The following AQP9 variants were observed in gnomAD, a reference collection of about 807,000 sequenced individuals.
The protein encoded by AQP9 is aquaporin-9.
A neutral mutation model predicts 23.8 loss-of-function variants in AQP9; 19 were observed. That is an observed-to-expected ratio of 0.80 (90% CI 0.56 to 1.17). The LOEUF (loss-of-function observed/expected upper bound fraction) is 1.17, where lower values mean the gene tolerates loss of function less well. Ranked by LOEUF, AQP9 falls within the 50% of genes most tolerant of loss-of-function variation. The pLI, the probability that AQP9 is intolerant of heterozygous loss-of-function variation, is 0.00. For missense variants in AQP9, 413 were observed against 362.0 expected (o/e 1.14, Z -1.14); for synonymous variants, 153 against 131.5 (o/e 1.16, Z -1.12).
At chr15:58,170,053 A>G (rs1349952951) in intron 2 of AQP9, among the ~76,000 whole-genome samples, 1 of 152,102 alleles carries the variant, frequency 6.6e-6, no homozygotes, top group Non-Finnish European at 1.5e-5. Flanking sequence ...TATGTGAATA[A>G]TCTGATTGTC....
At chr15:58,169,670 A>G (rs1448447300) in intron 2 of AQP9, among the ~76,000 whole-genome samples, 3 of 152,274 alleles carry the variant, frequency 2.0e-5, no homozygotes, top group Non-Finnish European at 2.9e-5. Context: ...GTCAGCAGAT[A>G]TTTGTCTTTT....
chr15:58,180,944 A>G (rs763683746), intron 5 of AQP9, among the ~76,000 whole-genome samples: 14 of 152,236 alleles, frequency 9.2e-5, no homozygotes, highest in Admixed American at 8.5e-4. Context: ...CATCAAAAAC[A>G]TATGTCCTAA....
chr15:58,149,628 TG>T (rs1898111910), intron 1 of AQP9, among the ~76,000 whole-genome samples: 1 of 152,206 alleles, frequency 6.6e-6, no homozygotes, highest in Non-Finnish European at 1.5e-5. Flanking sequence ...TATCTTCATA[TG>T]TTCAAAAGGC....
chr15:58,182,849 G>A (rs1189705974), intron 5 of AQP9, among the ~76,000 whole-genome samples: 2 of 152,170 alleles, frequency 1.3e-5, no homozygotes, highest in African/African-American at 4.8e-5. Context: ...GCAGATGAAG[G>A]AAATGGAGCT....
intron 1 of AQP9, among the ~76,000 whole-genome samples, chr15:58,142,383 A>G (rs1897966527): frequency 6.6e-6 from 1 of 152,202 alleles, no homozygotes; most frequent in Non-Finnish European, 1.5e-5. Context: ...CTTTCATGTG[A>G]AAGCCCAAGC....
intron 1 of AQP9, among the ~76,000 whole-genome samples, chr15:58,157,645 C>T (rs1422146182): frequency 6.6e-6 from 1 of 152,046 alleles, no homozygotes; most frequent in Non-Finnish European, 1.5e-5. Flanking sequence ...CATTGATAAC[C>T]ACAAAATTGG....
At chr15:58,140,215 G>A (rs1040892298) in intron 1 of AQP9, among the ~76,000 whole-genome samples, 1 of 94,112 alleles carries the variant, frequency 1.1e-5, no homozygotes, top group Admixed American at 1.1e-4. Flanking sequence ...TTTTTTTTTT[G>A]CAACCAAAAA....
At chr15:58,177,100 G>T (rs1283195939) in intron 4 of AQP9, among the ~76,000 whole-genome samples, 1 of 152,122 alleles carries the variant, frequency 6.6e-6, no homozygotes, top group African/African-American at 2.4e-5. Flanking sequence ...TCCAAAAATT[G>T]CCAATTATCA....
chr15:58,173,936 C>A (rs539387216), intron 3 of AQP9, among the ~76,000 whole-genome samples: 1 of 152,134 alleles, frequency 6.6e-6, no homozygotes, highest in South Asian at 2.1e-4. Flanking sequence ...TTATGACTTA[C>A]CCAAACTGAA....
chr15:58,147,258 G>C (rs1354901322), intron 1 of AQP9, among the ~76,000 whole-genome samples: 1 of 151,728 alleles, frequency 6.6e-6, no homozygotes, highest in East Asian at 1.9e-4. Flanking sequence ...TTTCTTTAGT[G>C]ACGAATCCCA....
chr15:58,159,369 G>A (rs1332167112), intron 1 of AQP9, among the ~76,000 whole-genome samples: 5 of 151,858 alleles, frequency 3.3e-5, no homozygotes, highest in Non-Finnish European at 5.9e-5. Flanking sequence ...TGCTTCCTGC[G>A]CTTCTTTTTT....
intron 1 of AQP9, among the ~76,000 whole-genome samples, chr15:58,165,416 A>T (rs935203): frequency 0.45 from 68,824 of 152,088 alleles, 17,370 homozygotes; most frequent in Admixed American, 0.61. Flanking sequence ...GAGGATATAC[A>T]ATGAAAAGTT....
intron 1 of AQP9, among the ~76,000 whole-genome samples, chr15:58,145,172 C>A (rs774736884): frequency 6.6e-6 from 1 of 151,954 alleles, no homozygotes; most frequent in Non-Finnish European, 1.5e-5. Context: ...TTTCTTTATT[C>A]TTGCCTTTTC....
intron 5 of AQP9, 129 bp from the exon 6 acceptor site, chr15:58,183,832 A>G (rs1898946863): frequency 9.7e-7 from 1 of 1,029,836 alleles, no homozygotes; most frequent in Non-Finnish European, 1.5e-6. Flanking sequence ...AGCCCCCCTT[A>G]TACTTAGCTC....
At chr15:58,160,583 T>C (rs1898356153) in intron 1 of AQP9, among the ~76,000 whole-genome samples, 1 of 152,008 alleles carries the variant, frequency 6.6e-6, no homozygotes, top group Non-Finnish European at 1.5e-5. Context: ...ACTCTGTGGT[T>C]CTCCCCATGT....
intron 2 of AQP9, among the ~76,000 whole-genome samples, chr15:58,171,338 C>T (rs760098897): frequency 6.6e-6 from 1 of 152,074 alleles, no homozygotes; most frequent in Admixed American, 6.5e-5. Flanking sequence ...CCACCCAACT[C>T]AGCCTCCCAA....
intron 1 of AQP9, among the ~76,000 whole-genome samples, chr15:58,159,351 G>A (rs1239068858): frequency 6.6e-6 from 1 of 151,974 alleles, no homozygotes; most frequent in Non-Finnish European, 1.5e-5. Context: ...GATTATTCAG[G>A]GTAGTTTTGC....
At chr15:58,158,196 T>TGC (rs1566984405) in intron 1 of AQP9, among the ~76,000 whole-genome samples, 2 of 152,150 alleles carry the variant, frequency 1.3e-5, no homozygotes, top group African/African-American at 4.8e-5. Context: ...GAAAAACCGA[T>TGC]GCCCCTATTC....
chr15:58,145,929 G>T (rs967344326), intron 1 of AQP9, among the ~76,000 whole-genome samples: 2 of 152,072 alleles, frequency 1.3e-5, no homozygotes, highest in Non-Finnish European at 2.9e-5. Flanking sequence ...ATTTTTGCTT[G>T]GCATTTTTCA....
Sources: allele counts gnomAD v4.1 joint callset (sites outside exome capture counted in the v4.1 genomes callset), GRCh38; gene constraint gnomAD v4.1.1; transcripts MANE v1.5; gene names NCBI Gene and HGNC (gene_info 2026-07-23, HGNC 2026-07-21).